The following TSC22D1 variants were observed in gnomAD, a reference collection of about 807,000 sequenced individuals.
The protein encoded by TSC22D1 is TSC22 domain family member 1.
Under a neutral mutation model 74.2 loss-of-function variants are expected in TSC22D1, and 9 were observed. The ratio of observed to expected loss-of-function variants is 0.12; its 90% CI spans 0.07 to 0.21. The LOEUF is 0.21. Ranked by LOEUF, TSC22D1 falls within the 10% of genes least tolerant of loss-of-function variation. The pLI is 1.00. For missense variants in TSC22D1, 1,427 were observed against 1,304.7 expected (o/e 1.09, Z -1.44); for synonymous variants, 586 against 492.5 (o/e 1.19, Z -2.51).
At chr13:44,451,399 TTC>T (rs1876122068) in intron 1 of TSC22D1, 1 of 152,196 alleles carries the variant, frequency 6.6e-6, no homozygotes, top group Non-Finnish European at 1.5e-5. Flanking sequence ...ACAGACTGGG[TTC>T]TTTTTTTCCT....
chr13:44,543,862 T>A (rs1881634831), intron 1 of TSC22D1, among the ~76,000 whole-genome samples: 1 of 152,158 alleles, frequency 6.6e-6, no homozygotes, highest in South Asian at 2.1e-4. Context: ...GAAGCTGAGG[T>A]GGGCCGATCA....
rs551121360 is a variant in TSC22D1, at chr13:44,492,412, G to GA, written c.2913-56318dup. On this transcript the variant is annotated intron_variant, in intron 1 of 2. Transcript: ENST00000458659. ...TCGCTTTTGCACCATTGTAAAGTTG[G>GA]AAAATCTTGAATTGAACCATAGTAA... Among the ~76,000 whole-genome samples, 36 of 152,246 alleles carry GA rather than the reference G, an allele frequency of 2.4e-4. No individual in the cohort carries two copies. In the South Asian group the frequency reaches 7.3e-3, roughly 31 times the overall value.
chr13:44,473,570 C>A (rs1204938672), intron 1 of TSC22D1, among the ~76,000 whole-genome samples: 3 of 151,556 alleles, frequency 2.0e-5, no homozygotes, highest in African/African-American at 7.3e-5. Context: ...GCATGCAAAT[C>A]AGTTTAAGTT....
intron 1 of TSC22D1, among the ~76,000 whole-genome samples, chr13:44,498,461 G>A (rs979608402): frequency 4.6e-5 from 7 of 150,802 alleles, no homozygotes; most frequent in Admixed American, 3.9e-4. Flanking sequence ...TATTTTCACA[G>A]CATACCAACC....
At chr13:44,558,248 C>T (rs1017331358) in intron 1 of TSC22D1, among the ~76,000 whole-genome samples, 35 of 152,166 alleles carry the variant, frequency 2.3e-4, no homozygotes, top group African/African-American at 8.0e-4. Flanking sequence ...TGACTAGCTC[C>T]ATCACTTAGT....
intron 1 of TSC22D1, chr13:44,538,581 T>G: frequency 1.0e-6 from 1 of 985,398 alleles, no homozygotes; most frequent in Non-Finnish European, 1.2e-6. Flanking sequence ...TTCCTCTATT[T>G]CAGTCTTCTG....
intron 1 of TSC22D1, among the ~76,000 whole-genome samples, chr13:44,438,629 A>G (rs181871402): frequency 3.7e-4 from 57 of 152,306 alleles, no homozygotes; most frequent in Non-Finnish European, 6.6e-4. Flanking sequence ...TGGCTTTTGA[A>G]TAACAATAAT....
chr13:44,495,504 TA>T (rs1878932743), intron 1 of TSC22D1, among the ~76,000 whole-genome samples: 1 of 152,180 alleles, frequency 6.6e-6, no homozygotes, highest in South Asian at 2.1e-4. Context: ...ACTGTATAGA[TA>T]AATATGAAAG....
chr13:44,551,389 G>GGTGGGTGGGTGTGTGT (rs1298469090), intron 1 of TSC22D1, among the ~76,000 whole-genome samples: 8 of 125,252 alleles, frequency 6.4e-5, no homozygotes, highest in African/African-American at 2.5e-4. Flanking sequence ...CAATCAGATG[G>GGTGGGTGGGTGTGTGT]GTGTGTGTGT....
intron 1 of TSC22D1, among the ~76,000 whole-genome samples, chr13:44,459,902 T>C (rs1003676941): frequency 2.0e-5 from 3 of 152,076 alleles, no homozygotes; most frequent in African/African-American, 7.2e-5. Context: ...TTGGCAGGCA[T>C]GGGTGCCTGT....
chr13:44,547,800 A>G (rs1881927142), intron 1 of TSC22D1, among the ~76,000 whole-genome samples: 1 of 152,182 alleles, frequency 6.6e-6, no homozygotes. Context: ...AAAAAGAGAA[A>G]CAAGGTCTTC....
chr13:44,525,117 G>C lies in TSC22D1; in HGVS notation c.2912+48046C>G, dbSNP rs1363427784. Among the ~76,000 whole-genome samples the C allele has an allele frequency of 2.0e-5, 3 of 152,098 alleles. No individual in the cohort carries two copies. The East Asian group carries it at 5.8e-4, about 29-fold the overall frequency. On this transcript the variant is annotated intron_variant, in intron 1 of 2. Coordinates refer to ENST00000458659, the MANE Select transcript of TSC22D1 (RefSeq NM_183422.4). ...CTAGCTTTCTTGTTCCACCTAAGGGGGGTAAAAAAGCTGAGAAGCATTTGT... is the reference window on the plus strand; with the variant it reads ...CTAGCTTTCTTGTTCCACCTAAGGGCGGTAAAAAAGCTGAGAAGCATTTGT...
At chr13:44,487,586 A>G (rs1466706826) in intron 1 of TSC22D1, among the ~76,000 whole-genome samples, 1 of 151,824 alleles carries the variant, frequency 6.6e-6, no homozygotes, top group Non-Finnish European at 1.5e-5. Context: ...ATTCTTAAAA[A>G]CAAAATTAAA....
rs1263937580 is a variant in TSC22D1, at chr13:44,552,520, A to T, written c.2912+20643T>A. 2.0e-5 allele frequency among the ~76,000 whole-genome samples: 3 copies of T among 152,296 alleles called. No homozygotes were observed. The East Asian group carries it at 5.8e-4, about 29-fold the overall frequency. ...CACATAGAAAGTCTATTCCCCCACT[A>T]AGGTCTGCAAACCATTTACAAAGAC... is the stretch of plus-strand genomic sequence containing the variant. On this transcript the variant is annotated intron_variant, in intron 1 of 2. Transcript: ENST00000458659.
intron 1 of TSC22D1, among the ~76,000 whole-genome samples, chr13:44,552,304 T>C (rs549404881): frequency 4.5e-4 from 68 of 152,352 alleles, no homozygotes; most frequent in Admixed American, 9.8e-4. Context: ...GAATGTTCAA[T>C]TGGCTCCTTT....
At chr13:44,545,703 G>A (rs1012627638) in intron 1 of TSC22D1, among the ~76,000 whole-genome samples, 11 of 152,144 alleles carry the variant, frequency 7.2e-5, no homozygotes, top group Middle Eastern at 6.8e-3. Context: ...CAGGCCAGGC[G>A]TGCTGGCTCA....
At chr13:44,532,539 C>T (rs7992029) in intron 1 of TSC22D1, among the ~76,000 whole-genome samples, 151,421 of 152,254 alleles carry the variant, frequency 0.99, 75,307 homozygotes, top group East Asian at 1. Flanking sequence ...AGTGGCACCA[C>T]CTCGGCTCAC....
chr13:44,495,439 A>C (rs1204838642), intron 1 of TSC22D1, among the ~76,000 whole-genome samples: 2 of 152,352 alleles, frequency 1.3e-5, no homozygotes, highest in Admixed American at 1.3e-4. Context: ...AAATGAAAGG[A>C]TGCTAGATAA....
Position 44,434,141 on chromosome 13 carries a change from G to C in TSC22D1, c.*485C>G. 1 of 1,494,942 alleles carries C rather than the reference G, an allele frequency of 6.7e-7. No homozygotes were observed. Among genetic ancestry groups the C allele is most frequent in the South Asian group, 1.3e-5 (1 of 76,646 alleles). The allele number at this position is 1,494,942 out of a possible 1,614,324, so 92.6% of individuals were successfully genotyped here. A position where few individuals can be genotyped will look rare whatever the true frequency, so the allele number is the denominator to read the frequency against. On this transcript the variant is annotated 3_prime_UTR_variant, in exon 3 of 3. Transcript: ENST00000458659. Reference sequence around the variant, plus strand: ...TGGTGACAGTTGTCAAATTTGTACAGTGAACTCTGTTCCCCCTCATTTTAG... The same window carrying C: ...TGGTGACAGTTGTCAAATTTGTACACTGAACTCTGTTCCCCCTCATTTTAG...
Sources: allele counts gnomAD v4.1 joint callset (sites outside exome capture counted in the v4.1 genomes callset), GRCh38; gene constraint gnomAD v4.1.1; transcripts MANE v1.5; gene names NCBI Gene and HGNC (gene_info 2026-07-23, HGNC 2026-07-21).